The following PPIL3 variants were observed in gnomAD, a reference collection of about 807,000 sequenced individuals.
PPIL3 encodes peptidylprolyl isomerase like 3.
Under a neutral mutation model 20.9 loss-of-function variants are expected in PPIL3, and 13 were observed. The ratio of observed to expected loss-of-function variants is 0.62; its 90% CI spans 0.40 to 0.99. The LOEUF is 0.99. Ranked by LOEUF, PPIL3 falls within the 50% of genes least tolerant of loss-of-function variation. The pLI is 0.00. For missense variants in PPIL3, 170 were observed against 195.2 expected (o/e 0.87, Z 0.77); for synonymous variants, 71 against 64.4 (o/e 1.10, Z -0.49).
chr2:200,887,598 T>C lies in PPIL3; in HGVS notation c.3+15A>G. On this transcript the variant is annotated intron_variant, in intron 2 of 6. Coordinates refer to ENST00000392283, the MANE Select transcript of PPIL3 (RefSeq NM_130906.3). ...TATAATGAAAGACATTAGATAAAAA[T>C]TGCTCAAAACTTACCATTTTTCCTC... 6.3e-7 allele frequency: 1 copy of C among 1,591,914 alleles called. No homozygotes were observed. The highest frequency in any genetic ancestry group is 8.6e-7 in the Non-Finnish European group (1 of 1,164,404).
Position 200,882,441 on chromosome 2 carries a change from G to A in PPIL3, c.79-6C>T. ...GCACAAAGAGCCAAGAAATTCTGAA[G>A]GGAGTAAAAATGATTGAGAAATGAT... On this transcript the variant is annotated splice_region_variant and splice_polypyrimidine_tract_variant and intron_variant, in intron 3 of 6. Coordinates refer to ENST00000392283, the MANE Select transcript of PPIL3 (RefSeq NM_130906.3). The A allele has an allele frequency of 6.5e-7, 1 of 1,547,608 alleles. No homozygotes were observed. The highest frequency in any genetic ancestry group is 1.1e-5 in the South Asian group (1 of 89,556).
chr2:200,886,449 G>A (rs1354766955), intron 2 of PPIL3, among the ~76,000 whole-genome samples: 1 of 148,948 alleles, frequency 6.7e-6, no homozygotes, highest in Admixed American at 6.7e-5. Flanking sequence ...TTTTTGAGGT[G>A]GAGTCTTGCT....
chr2:200,883,075 G>A (rs1409203597), intron 3 of PPIL3, among the ~76,000 whole-genome samples: 1 of 150,542 alleles, frequency 6.6e-6, no homozygotes, highest in African/African-American at 2.4e-5. Flanking sequence ...TCTTACCTGG[G>A]GTACTCTGTA....
chr2:200,878,060 C>A (rs529637488), intron 5 of PPIL3, among the ~76,000 whole-genome samples: 2 of 152,118 alleles, frequency 1.3e-5, no homozygotes, highest in African/African-American at 4.8e-5. Flanking sequence ...TAGAGAAGCA[C>A]CTATATCAAA....
intron 2 of PPIL3, among the ~76,000 whole-genome samples, chr2:200,886,169 T>C (rs182396053): frequency 1.3e-5 from 2 of 152,354 alleles, no homozygotes; most frequent in East Asian, 1.9e-4. Context: ...AAATGATTTT[T>C]CAAAACATAA....
At chr2:200,885,388 A>G in intron 3 of PPIL3, 1 of 338,740 alleles carries the variant, frequency 3.0e-6, no homozygotes. Context: ...AATAATAATA[A>G]ATAAATAAAA....
chr2:200,874,804 C>T (rs1029296068), intron 6 of PPIL3, among the ~76,000 whole-genome samples: 3 of 152,172 alleles, frequency 2.0e-5, no homozygotes, highest in Admixed American at 2.0e-4. Context: ...CTAGATCTCA[C>T]TGCAGCCTTG....
At chr2:200,887,949 C>T (rs2040017252) in intron 1 of PPIL3, among the ~76,000 whole-genome samples, 1 of 151,006 alleles carries the variant, frequency 6.6e-6, no homozygotes. Context: ...CCTAGCTACT[C>T]AGCAGGCTGC....
chr2:200,878,283 TAA>T (rs1559338222), intron 5 of PPIL3, among the ~76,000 whole-genome samples: 2 of 151,866 alleles, frequency 1.3e-5, no homozygotes, highest in Admixed American at 1.3e-4. Context: ...CAAGAAAAAA[TAA>T]AAGTTACCAA....
At chr2:200,882,940 A>G (rs572736834) in intron 3 of PPIL3, among the ~76,000 whole-genome samples, 3 of 151,066 alleles carry the variant, frequency 2.0e-5, no homozygotes, top group African/African-American at 7.3e-5. Context: ...AATCTTCAGC[A>G]GGGCCTAACA....
chr2:200,875,645 C>T (rs2039484557), intron 6 of PPIL3, among the ~76,000 whole-genome samples: 1 of 151,764 alleles, frequency 6.6e-6, no homozygotes, highest in African/African-American at 2.4e-5. Context: ...GTGATCTCAG[C>T]TCATGCAGCC....
chr2:200,885,820 C>G, intron 2 of PPIL3, 48 bp from the exon 3 acceptor site: 2 of 1,145,228 alleles, frequency 1.7e-6, no homozygotes, highest in African/African-American at 1.5e-5. Flanking sequence ...ATTTAGGTGA[C>G]TTTATGCATT....
intron 2 of PPIL3, among the ~76,000 whole-genome samples, chr2:200,886,039 T>C (rs1461586990): frequency 6.6e-6 from 1 of 152,164 alleles, no homozygotes; most frequent in Non-Finnish European, 1.5e-5. Flanking sequence ...AGTAAATATT[T>C]TGATGGAAAG....
rs148778524 is a variant in PPIL3, at chr2:200,881,482, C to T, written c.179G>A (p.Gly60Glu). 1 of 1,612,164 alleles carries T rather than the reference C, an allele frequency of 6.2e-7. No individual in the cohort carries two copies. The highest frequency in any genetic ancestry group is 8.5e-7 in the Non-Finnish European group (1 of 1,178,982). ...MVQTGDPTGT[G>E]RGGNSIWGKK... The stretch of plus-strand genomic sequence containing the variant: ...GCCCCAAATACTGTTGCCTCCTCTT[C>T]CAGTTCCTACATTACAAGTGAAGCA... The change falls in exon 5 of 7, where the codon GGA becomes GAA. Residue 60 changes from glycine (G) to glutamate (E), a missense_variant. Gly to Glu is a moderately conservative substitution (Grantham distance 98, BLOSUM62 -2). Coordinates refer to ENST00000392283, the MANE Select transcript of PPIL3 (RefSeq NM_130906.3).
chr2:200,871,534 C>A lies in PPIL3; in HGVS notation c.360-13G>T. 6.2e-7 allele frequency: 1 copy of A among 1,603,278 alleles called. No homozygotes were observed. The highest frequency in any genetic ancestry group is 8.5e-7 in the Non-Finnish European group (1 of 1,175,642). On this transcript the variant is annotated splice_polypyrimidine_tract_variant and intron_variant, in intron 6 of 6. Coordinates refer to ENST00000392283, the MANE Select transcript of PPIL3 (RefSeq NM_130906.3). ...ACCATCTATTACCCTGAAAGAGAAA[C>A]AACATAACATATGAAAATTTCCTTA...
chr2:200,885,515 T>G (rs2039901682), intron 3 of PPIL3, 183 bp downstream of exon 3: 2 of 552,014 alleles, frequency 3.6e-6, no homozygotes, highest in Non-Finnish European at 3.1e-6. Flanking sequence ...CTACGTTCTC[T>G]TTGATCCACC....
chr2:200,871,845 CTG>C (rs1296844689), intron 6 of PPIL3, among the ~76,000 whole-genome samples: 1 of 152,208 alleles, frequency 6.6e-6, no homozygotes, highest in African/African-American at 2.4e-5. Context: ...GGAAAACAAA[CTG>C]TTTTTCTACA....
At chr2:200,880,423 T>TTTTTTTTTTG (rs2039682590) in intron 5 of PPIL3, among the ~76,000 whole-genome samples, 2 of 151,032 alleles carry the variant, frequency 1.3e-5, no homozygotes, top group African/African-American at 4.9e-5. Flanking sequence ...TTTTTTTTTT[T>TTTTTTTTTTG]GAGTGGGGTC....
At chr2:200,887,999 G>A (rs1321235570) in intron 1 of PPIL3, among the ~76,000 whole-genome samples, 1 of 150,050 alleles carries the variant, frequency 6.7e-6, no homozygotes, top group Non-Finnish European at 1.5e-5. Flanking sequence ...GGAGGCTGCA[G>A]TGAGCTGAGA....
Sources: allele counts gnomAD v4.1 joint callset (sites outside exome capture counted in the v4.1 genomes callset), GRCh38; gene constraint gnomAD v4.1.1; transcripts MANE v1.5; gene names NCBI Gene and HGNC (gene_info 2026-07-23, HGNC 2026-07-21).